The following CDYL variants were observed in gnomAD, a reference collection of about 807,000 sequenced individuals.
The protein encoded by CDYL is chromodomain Y-like protein.
Under a neutral mutation model 47.3 loss-of-function variants are expected in CDYL, and 8 were observed. The ratio of observed to expected loss-of-function variants is 0.17; its 90% CI spans 0.10 to 0.31. The LOEUF (loss-of-function observed/expected upper bound fraction) is 0.31. Ranked by LOEUF, CDYL falls within the 10% of genes least tolerant of loss-of-function variation. The pLI, the probability that CDYL is intolerant of heterozygous loss-of-function variation, is 1.00. For missense variants in CDYL, 471 were observed against 701.4 expected (o/e 0.67, Z 3.71); for synonymous variants, 266 against 265.0 (o/e 1.00, Z -0.04).
At chr6:4,716,198 G>A (rs948886910) in intron 2 of CDYL, among the ~76,000 whole-genome samples, 3 of 150,602 alleles carry the variant, frequency 2.0e-5, no homozygotes, top group East Asian at 1.9e-4. Flanking sequence ...CAGTGAGCCC[G>A]AGATCGCGCC....
chr6:4,743,968 G>A (rs1466282944), intron 3 of CDYL, among the ~76,000 whole-genome samples: 1 of 152,156 alleles, frequency 6.6e-6, no homozygotes, highest in African/African-American at 2.4e-5. Context: ...TGTAGCTTGT[G>A]AGACTTTTCT....
At chr6:4,946,358 C>T (rs1267423319) in intron 5 of CDYL, among the ~76,000 whole-genome samples, 1 of 152,230 alleles carries the variant, frequency 6.6e-6, no homozygotes, top group Middle Eastern at 3.4e-3. Flanking sequence ...TTTTTTTCTA[C>T]ACCAGGGGGT....
intron 3 of CDYL, among the ~76,000 whole-genome samples, chr6:4,737,616 C>T (rs1305821032): frequency 4.0e-5 from 6 of 149,860 alleles, no homozygotes; most frequent in African/African-American, 1.2e-4. Context: ...TGCAAAACTC[C>T]GTCTCAAAAA....
chr6:4,929,712 T>G (rs901513057), intron 2 of CDYL, among the ~76,000 whole-genome samples: 4 of 152,222 alleles, frequency 2.6e-5, no homozygotes, highest in Non-Finnish European at 5.9e-5. Context: ...TTATTCCTAG[T>G]CTTTCATTTC....
chr6:4,731,990 C>T (rs1205939504), intron 2 of CDYL, among the ~76,000 whole-genome samples: 13 of 151,990 alleles, frequency 8.6e-5, no homozygotes, highest in Non-Finnish European at 1.9e-4. Flanking sequence ...GTGTGAAATA[C>T]AAATTTTAAA....
At chr6:4,925,518 C>G (rs946651061) in intron 2 of CDYL, among the ~76,000 whole-genome samples, 4 of 148,862 alleles carry the variant, frequency 2.7e-5, no homozygotes, top group Non-Finnish European at 5.9e-5. Flanking sequence ...TTCACTCATG[C>G]CATTCTCCTG....
At chr6:4,813,493 C>T (rs1379752613) in intron 1 of CDYL, among the ~76,000 whole-genome samples, 1 of 152,074 alleles carries the variant, frequency 6.6e-6, no homozygotes, top group Non-Finnish European at 1.5e-5. Flanking sequence ...ACTGAATTAC[C>T]CTGTTATTTC....
chr6:4,865,608 G>A (rs1198063272), intron 1 of CDYL, among the ~76,000 whole-genome samples: 1 of 152,222 alleles, frequency 6.6e-6, no homozygotes, highest in African/African-American at 2.4e-5. Flanking sequence ...CAGGTAAAAT[G>A]TGTTTGTAAT....
At chr6:4,906,852 C>T (rs1012282332) in intron 2 of CDYL, among the ~76,000 whole-genome samples, 2 of 152,148 alleles carry the variant, frequency 1.3e-5, no homozygotes, top group Non-Finnish European at 2.9e-5. Flanking sequence ...AAGTCTTCCA[C>T]GTGCCATTTT....
intron 2 of CDYL, among the ~76,000 whole-genome samples, chr6:4,912,774 G>A (rs190449809): frequency 7.9e-5 from 12 of 152,302 alleles, no homozygotes; most frequent in Admixed American, 5.9e-4. Context: ...ATCACATGGC[G>A]AGGGGGCAGA....
At chr6:4,810,565 T>G (rs1428019050) in intron 1 of CDYL, among the ~76,000 whole-genome samples, 3 of 152,230 alleles carry the variant, frequency 2.0e-5, no homozygotes, top group African/African-American at 7.2e-5. Context: ...TATAATAAAA[T>G]CTACACATCT....
intron 1 of CDYL, among the ~76,000 whole-genome samples, chr6:4,861,425 A>G (rs1761165942): frequency 1.3e-5 from 2 of 152,198 alleles, no homozygotes; most frequent in African/African-American, 2.4e-5. Context: ...AGAGCCAGAG[A>G]TGCTGTCCTT....
intron 3 of CDYL, among the ~76,000 whole-genome samples, chr6:4,751,944 G>T (rs978389524): frequency 6.6e-6 from 1 of 152,198 alleles, no homozygotes. Context: ...CATGAATTTG[G>T]TAGTACTGGG....
chr6:4,936,036 G>C (rs938704947), intron 3 of CDYL, among the ~76,000 whole-genome samples: 1 of 152,226 alleles, frequency 6.6e-6, no homozygotes, highest in Non-Finnish European at 1.5e-5. Context: ...AGGCCTCTGT[G>C]CCTCTGTGGT....
chr6:4,931,557 A>AT (rs760728729), intron 2 of CDYL, among the ~76,000 whole-genome samples: 8 of 152,230 alleles, frequency 5.3e-5, no homozygotes, highest in Non-Finnish European at 8.8e-5. Context: ...CTGTGGCATG[A>AT]TTGTCTTGAG....
chr6:4,807,930 A>AT (rs201041809), intron 1 of CDYL, among the ~76,000 whole-genome samples: 3,887 of 151,200 alleles, frequency 0.026, 60 homozygotes, highest in Middle Eastern at 0.086. Flanking sequence ...ATGCACTTAG[A>AT]TTTTTTTTTA....
chr6:4,823,147 A>T (rs1759886782), intron 1 of CDYL, among the ~76,000 whole-genome samples: 1 of 152,222 alleles, frequency 6.6e-6, no homozygotes, highest in Non-Finnish European at 1.5e-5. Context: ...AGATAAGTTT[A>T]TTTTAGCATT....
intron 3 of CDYL, among the ~76,000 whole-genome samples, chr6:4,762,983 A>T (rs990482204): frequency 6.6e-6 from 1 of 152,184 alleles, no homozygotes; most frequent in Non-Finnish European, 1.5e-5. Context: ...ACCTAAACAC[A>T]TCATAGTAAA....
chr6:4,821,326 G>A (rs1759831169), intron 1 of CDYL, among the ~76,000 whole-genome samples: 1 of 135,420 alleles, frequency 7.4e-6, no homozygotes, highest in Non-Finnish European at 1.5e-5. Flanking sequence ...CGCCCAGGCT[G>A]GAGTGCAGTG....
Sources: allele counts gnomAD v4.1 joint callset (sites outside exome capture counted in the v4.1 genomes callset), GRCh38; gene constraint gnomAD v4.1.1; transcripts MANE v1.5; gene names NCBI Gene and HGNC (gene_info 2026-07-23, HGNC 2026-07-21).